The following KIAA1549 variants were observed in gnomAD, a reference collection of about 807,000 sequenced individuals.
The protein encoded by KIAA1549 is KIAA1549, also known as UPF0606 protein KIAA1549.
KIAA1549 carries 70 observed loss-of-function variants against 156.4 expected under a neutral mutation model. That is an observed-to-expected ratio of 0.45 (90% CI 0.37 to 0.55). The LOEUF is 0.55. Ranked by LOEUF, KIAA1549 falls within the 20% of genes least tolerant of loss-of-function variation. The pLI, the probability that KIAA1549 is intolerant of heterozygous loss-of-function variation, is 0.00. For missense variants in KIAA1549, 2,428 were observed against 2,540.9 expected (o/e 0.96, Z 0.96); for synonymous variants, 1,103 against 1,066.4 (o/e 1.03, Z -0.67).
chr7:138,915,992 G>T (rs973871293), intron 2 of KIAA1549, among the ~76,000 whole-genome samples: 4 of 152,238 alleles, frequency 2.6e-5, no homozygotes, highest in African/African-American at 9.6e-5. Context: ...GGAAGCTGCT[G>T]GCCAGTCTGC....
chr7:138,833,293 T>A lies in KIAA1549; in HGVS notation c.*4613A>T, dbSNP rs763563693. 1 of 232,486 alleles carries A rather than the reference T, an allele frequency of 4.3e-6. No homozygotes were observed. Among genetic ancestry groups the A allele is most frequent in the Non-Finnish European group, 8.5e-6 (1 of 117,688 alleles). The allele number at this position is 232,486 out of a possible 1,614,324, so 14.4% of individuals were successfully genotyped here. A position where few individuals can be genotyped will look rare whatever the true frequency, so the allele number is the denominator to read the frequency against. ...GTCTGAGAATCTAGTGTGAAAGGGA[T>A]GAGAGAGACTTATATAACAACTAAT... is the stretch of plus-strand genomic sequence containing the variant. On this transcript the variant is annotated 3_prime_UTR_variant, in exon 20 of 20. Transcript: ENST00000422774.
intron 1 of KIAA1549, among the ~76,000 whole-genome samples, chr7:138,959,326 T>C (rs1813767310): frequency 6.6e-6 from 1 of 152,138 alleles, no homozygotes; most frequent in African/African-American, 2.4e-5. Context: ...GAAAGTCCCA[T>C]TTATCTACAT....
chr7:138,856,662 G>A (rs375963274), intron 16 of KIAA1549, among the ~76,000 whole-genome samples: 2 of 152,060 alleles, frequency 1.3e-5, no homozygotes, highest in South Asian at 2.1e-4. Flanking sequence ...CATAACCATC[G>A]GCTTCTTGCT....
At position 138,937,589 on chromosome 7, in the gene KIAA1549, C is replaced by G. The variant is rs570949864; in HGVS notation, c.188-18151G>C. ...AGATGCTGTGATGGACAGCAAGGAA[C>G]CTCAGGAAAGGATGAGGAGCCGAGA... On this transcript the variant is annotated intron_variant, in intron 1 of 19. Coordinates refer to ENST00000422774, the MANE Select transcript of KIAA1549 (RefSeq NM_001164665.2). 1.8e-4 allele frequency among the ~76,000 whole-genome samples: 28 copies of G among 152,248 alleles called. 2 individuals carry two copies. The South Asian group carries it at 3.7e-3, about 20-fold the overall frequency.
At chr7:138,951,301 C>T (rs1183850806) in intron 1 of KIAA1549, among the ~76,000 whole-genome samples, 1 of 152,166 alleles carries the variant, frequency 6.6e-6, no homozygotes, top group Non-Finnish European at 1.5e-5. Context: ...GGACACTTCC[C>T]TCCACCCGTG....
At chr7:138,940,028 A>C (rs1813131376) in intron 1 of KIAA1549, among the ~76,000 whole-genome samples, 1 of 152,080 alleles carries the variant, frequency 6.6e-6, no homozygotes, top group Non-Finnish European at 1.5e-5. Flanking sequence ...TAATTTTTTT[A>C]TTATACTTTA....
intron 1 of KIAA1549, among the ~76,000 whole-genome samples, chr7:138,942,390 G>A (rs370639699): frequency 1.7e-4 from 26 of 151,354 alleles, no homozygotes; most frequent in African/African-American, 5.8e-4. Flanking sequence ...AGAGCAATAC[G>A]GTGAAAATAA....
intron 1 of KIAA1549, among the ~76,000 whole-genome samples, chr7:138,920,960 C>T (rs1416361661): frequency 6.6e-6 from 1 of 152,162 alleles, no homozygotes; most frequent in Non-Finnish European, 1.5e-5. Context: ...GACTGGATGG[C>T]CTGCAAGACA....
At chr7:138,906,848 T>G (rs1159077096) in intron 6 of KIAA1549, 71 bp downstream of exon 6, 2 of 1,212,948 alleles carry the variant, frequency 1.6e-6, no homozygotes, top group Non-Finnish European at 2.2e-6. Context: ...CTAAAAAAAT[T>G]TTAAGAAGAG....
In KIAA1549 at chr7:138,916,978, A is replaced by G; in HGVS notation, c.2648T>C (p.Val883Ala). The G allele has an allele frequency of 6.3e-7, 1 of 1,599,968 alleles. No homozygotes were observed. Among genetic ancestry groups the G allele is most frequent in the Non-Finnish European group, 8.5e-7 (1 of 1,172,908 alleles). The change falls in exon 2 of 20, where the codon GTG becomes GCG. Residue 883 changes from valine to alanine, a missense_variant. Around this residue, in one of 5 missense-constraint regions of KIAA1549, gnomAD observed 762 missense variants for 901.6 expected, o/e 0.85. Coordinates refer to ENST00000422774, the MANE Select transcript of KIAA1549 (RefSeq NM_001164665.2). ...GGCAGCACCGGTGCTGGTTGTGCTC[A>G]CTTCCGTGGAGGTGTTCAGTGGCAC... is the stretch of plus-strand genomic sequence containing the variant. ...TEVPLNTSTE[V>A]STTSTGAATG...
intron 18 of KIAA1549, among the ~76,000 whole-genome samples, chr7:138,842,355 C>T (rs977185688): frequency 8.5e-5 from 13 of 152,168 alleles, no homozygotes; most frequent in African/African-American, 3.1e-4. Context: ...CTATGGCTAC[C>T]GCTGAGCCTT....
chr7:138,888,715 T>TA (rs953887948), intron 10 of KIAA1549, among the ~76,000 whole-genome samples: 2 of 152,198 alleles, frequency 1.3e-5, no homozygotes, highest in Non-Finnish European at 2.9e-5. Context: ...TCCTGCACAT[T>TA]AAAAAATCCA....
At chr7:138,876,416 T>C (rs1811086742) in intron 12 of KIAA1549, 1 of 152,230 alleles carries the variant, frequency 6.6e-6, no homozygotes, top group Non-Finnish European at 1.5e-5. Context: ...GCCACGCTCA[T>C]CTTCTTTGTT....
intron 1 of KIAA1549, among the ~76,000 whole-genome samples, chr7:138,935,987 T>C (rs988115398): frequency 4.6e-5 from 7 of 152,164 alleles, no homozygotes; most frequent in Non-Finnish European, 1.0e-4. Context: ...TAGGAAGGAA[T>C]AGGATATTTT....
chr7:138,847,721 G>T (rs1324420323), intron 17 of KIAA1549, among the ~76,000 whole-genome samples: 1 of 152,178 alleles, frequency 6.6e-6, no homozygotes, highest in Non-Finnish European at 1.5e-5. Flanking sequence ...GCTATTCTTG[G>T]CCCTTTGCAT....
chr7:138,919,561 C>G (rs1812492002), intron 1 of KIAA1549, 123 bp from the exon 2 acceptor site: 1 of 1,471,882 alleles, frequency 6.8e-7, no homozygotes, highest in African/African-American at 1.4e-5. Flanking sequence ...ATCCATGAAT[C>G]ACCGTCAGAA....
Position 138,916,885 on chromosome 7 carries a change from G to A in KIAA1549, c.2741C>T (p.Ala914Val). The change falls in exon 2 of 20, where the codon GCT (alanine) becomes GTT (valine). Residue 914 changes from alanine (A) to valine (V), a missense_variant. Ala to Val is a moderately conservative substitution (Grantham distance 64). Around this residue, in one of 5 missense-constraint regions of KIAA1549, gnomAD observed 762 missense variants for 901.6 expected, o/e 0.85. Coordinates refer to ENST00000422774, the MANE Select transcript of KIAA1549 (RefSeq NM_001164665.2). ...ACGCAGGGATGGCAGGGGAGGAGCA[G>A]CACTACTCTCTGGGGGGCTCTGACT... is the stretch of plus-strand genomic sequence containing the variant. Reference protein sequence around the residue: ...AASQSPPESSAAPPLPSLRPV... With the variant: ...AASQSPPESSVAPPLPSLRPV... 1 of 1,613,824 alleles carries A rather than the reference G, an allele frequency of 6.2e-7. No individual in the cohort carries two copies. Among genetic ancestry groups the A allele is most frequent in the Non-Finnish European group, 8.5e-7 (1 of 1,179,832 alleles).
rs762192541 is a variant in KIAA1549 at position 138,881,493 on chromosome 7, G to A, written c.4124C>T (p.Ala1375Val). 1.2e-5 allele frequency: 20 copies of A among 1,613,866 alleles called. No individual in the cohort carries two copies. In the Admixed American group the frequency reaches 2.3e-4, roughly 19 times the overall value. Reference protein sequence around the residue: ...KDDILIIHEPAPLPGPLKDHT... With the variant: ...KDDILIIHEPVPLPGPLKDHT... ...GTCCTTCAGAGGTCCTGGCAGTGGC[G>A]CTGGCTCATGAATAATCAATATGTC... Residue 1375 changes from alanine (A) to valine (V), a missense_variant, in exon 11 of 20, where the codon GCG becomes GTG. Transcript: ENST00000422774.
In KIAA1549 at chr7:138,919,251, T is replaced by C. The variant is rs759042003; in HGVS notation, c.375A>G (p.Gln125=). ...CTGCTGTACTTTTGGTCTGTTTTCC[T>C]TGGTTAAAAAAGGCTGTATCAAAAG... The part of the protein sequence containing the change: ...ATTFDTAFFN[Q]GKQTKSTADP... The change falls in exon 2 of 20, where the codon CAA becomes CAG. Residue 125 remains glutamine (Q), a synonymous_variant. Transcript: ENST00000422774. The C allele has an allele frequency of 6.2e-6, 10 of 1,614,018 alleles. No homozygotes were observed. In the South Asian group the frequency reaches 1.1e-4, roughly 18 times the overall value.
Sources: allele counts gnomAD v4.1 joint callset (sites outside exome capture counted in the v4.1 genomes callset), GRCh38; gene constraint gnomAD v4.1.1; regional missense constraint gnomAD v4.1.1; transcripts MANE v1.5; gene names NCBI Gene and HGNC (gene_info 2026-07-23, HGNC 2026-07-21).